Variants in MTUS1 observed in about 807,000 individuals in gnomAD.
MTUS1 encodes microtubule-associated tumor suppressor 1.
In MTUS1, 109 loss-of-function variants were observed where a neutral mutation model predicts 120.8. The observed-to-expected ratio is 0.90, with a 90% confidence interval of 0.77 to 1.06. MTUS1 has a LOEUF of 1.06. MTUS1 is among the 50% of genes least tolerant of loss of function. The pLI is 0.00. For missense variants in MTUS1, 2,210 were observed against 1,486.3 expected (o/e 1.49, Z -8.01); for synonymous variants, 737 against 550.5 (o/e 1.34, Z -4.74).
intron 1 of MTUS1, among the ~76,000 whole-genome samples, chr8:17,779,882 C>A (rs553441234): frequency 3.4e-4 from 52 of 152,236 alleles, no homozygotes; most frequent in Non-Finnish European, 6.2e-4. Flanking sequence ...ATCTCTAGCA[C>A]TGATCTTTCC....
At chr8:17,762,890 T>C (rs750711945) in intron 1 of MTUS1, among the ~76,000 whole-genome samples, 12 of 152,116 alleles carry the variant, frequency 7.9e-5, no homozygotes, top group Non-Finnish European at 1.8e-4. Flanking sequence ...TGGGCCACCT[T>C]GGATTAGCAA....
chr8:17,678,660 A>G (rs972372189), intron 7 of MTUS1, among the ~76,000 whole-genome samples: 2 of 149,778 alleles, frequency 1.3e-5, no homozygotes, highest in Non-Finnish European at 3.0e-5. Context: ...CAATGCATCT[A>G]TGTTTTTTTG....
intron 2 of MTUS1, among the ~76,000 whole-genome samples, chr8:17,752,610 C>T (rs1465331158): frequency 2.0e-5 from 3 of 151,488 alleles, no homozygotes; most frequent in Non-Finnish European, 2.9e-5. Flanking sequence ...GTCTTCTAAA[C>T]GGACCTGACA....
At chr8:17,648,650 G>A (rs1806328570) in intron 13 of MTUS1, among the ~76,000 whole-genome samples, 1 of 152,120 alleles carries the variant, frequency 6.6e-6, no homozygotes, top group South Asian at 2.1e-4. Context: ...TCCACACAGG[G>A]GCTTGGCCGT....
At chr8:17,722,174 T>C (rs986333748) in intron 4 of MTUS1, 3 of 1,092,544 alleles carry the variant, frequency 2.7e-6, no homozygotes, top group Non-Finnish European at 3.3e-6. Context: ...CAAAAAGGAA[T>C]GGACAAAAGC....
chr8:17,787,423 C>A (rs1272756393), intron 1 of MTUS1, among the ~76,000 whole-genome samples: 3 of 152,154 alleles, frequency 2.0e-5, no homozygotes, highest in Non-Finnish European at 2.9e-5. Flanking sequence ...TAATAAATAG[C>A]AGCAATGGAC....
intron 6 of MTUS1, chr8:17,705,638 C>T (rs1364678435): frequency 6.6e-6 from 1 of 152,230 alleles, no homozygotes; most frequent in African/African-American, 2.4e-5. Flanking sequence ...CTTCTCTCTA[C>T]TCTCACCAGA....
chr8:17,747,261 C>G (rs1262840569), intron 2 of MTUS1, among the ~76,000 whole-genome samples: 1 of 152,122 alleles, frequency 6.6e-6, no homozygotes, highest in Non-Finnish European at 1.5e-5. Flanking sequence ...ATTAGAAAAT[C>G]TTCTCATATT....
rs541485574 is a variant in MTUS1, at chr8:17,740,406, G to T, written c.2287+3198C>A. Among the ~76,000 whole-genome samples, 4 of 152,322 alleles carry T rather than the reference G, an allele frequency of 2.6e-5. No homozygotes were observed. In the South Asian group the frequency reaches 8.3e-4, roughly 32 times the overall value. ...TTTCTGCCGCTTACCTTTCAGCAGA[G>T]TAACTGTGAGTCAGTATGGTGGATA... On this transcript the variant is annotated intron_variant, in intron 3 of 14. Transcript: ENST00000693296.
chr8:17,785,137 T>TA (rs2051199655), intron 1 of MTUS1, among the ~76,000 whole-genome samples: 2 of 66,214 alleles, frequency 3.0e-5, no homozygotes, highest in Non-Finnish European at 1.0e-4. Context: ...CTCTATCACA[T>TA]GCAGCTTCTT....
At chr8:17,776,798 A>G (rs2050476478) in intron 1 of MTUS1, among the ~76,000 whole-genome samples, 1 of 152,036 alleles carries the variant, frequency 6.6e-6, no homozygotes, top group Admixed American at 6.6e-5. Flanking sequence ...CTCATAGGTG[A>G]CGATGAGTGA....
intron 6 of MTUS1, among the ~76,000 whole-genome samples, chr8:17,703,180 T>C (rs953068673): frequency 6.6e-6 from 1 of 152,186 alleles, no homozygotes; most frequent in Non-Finnish European, 1.5e-5. Flanking sequence ...CAGCCATATT[T>C]TTCTTCTTGC....
chr8:17,742,291 G>GTTTTTTT (rs1237059839), intron 3 of MTUS1, among the ~76,000 whole-genome samples: 4 of 94,696 alleles, frequency 4.2e-5, no homozygotes, highest in Admixed American at 1.4e-4. Flanking sequence ...TGTTGTTGTT[G>GTTTTTTT]TTTTTTTTTT....
At chr8:17,698,806 A>T (rs982541336) in intron 6 of MTUS1, among the ~76,000 whole-genome samples, 5 of 152,160 alleles carry the variant, frequency 3.3e-5, no homozygotes, top group Non-Finnish European at 7.3e-5. Flanking sequence ...TAACCTGTCC[A>T]GGGTTCCTGT....
intron 8 of MTUS1, among the ~76,000 whole-genome samples, chr8:17,658,461 T>G (rs564462267): frequency 6.6e-5 from 10 of 152,160 alleles, no homozygotes; most frequent in African/African-American, 1.9e-4. Flanking sequence ...CTAGAAAATC[T>G]TGAATTCCTT....
intron 2 of MTUS1, among the ~76,000 whole-genome samples, chr8:17,751,545 C>A (rs2048191222): frequency 6.8e-6 from 1 of 146,302 alleles, no homozygotes; most frequent in African/African-American, 2.5e-5. Context: ...TTAGAGAGCA[C>A]TGTGCTTCAG....
chr8:17,762,356 T>C (rs2049111594), intron 1 of MTUS1, among the ~76,000 whole-genome samples: 3 of 152,166 alleles, frequency 2.0e-5, no homozygotes, highest in Admixed American at 2.0e-4. Flanking sequence ...AAAAAATATA[T>C]TCATAAGACT....
intron 6 of MTUS1, among the ~76,000 whole-genome samples, chr8:17,686,517 C>G (rs181124325): frequency 1.3e-5 from 2 of 152,212 alleles, no homozygotes; most frequent in African/African-American, 4.8e-5. Flanking sequence ...TTGTATATGT[C>G]CTACCGAAAC....
chr8:17,668,545 G>A (rs1472847897), intron 8 of MTUS1, among the ~76,000 whole-genome samples: 1 of 152,176 alleles, frequency 6.6e-6, no homozygotes, highest in Non-Finnish European at 1.5e-5. Context: ...CTGATTAACT[G>A]GGATTGTCGG....
Sources: allele counts gnomAD v4.1 joint callset (sites outside exome capture counted in the v4.1 genomes callset), GRCh38; gene constraint gnomAD v4.1.1; transcripts MANE v1.5; gene names NCBI Gene and HGNC (gene_info 2026-07-23, HGNC 2026-07-21).